The following NLGN1 variants were observed in gnomAD, a reference collection of about 807,000 sequenced individuals.
The protein encoded by NLGN1 is neuroligin-1.
NLGN1 carries 12 observed loss-of-function variants against 65.5 expected under a neutral mutation model. The observed-to-expected ratio is 0.18, with a 90% CI of 0.12 to 0.30. The LOEUF (loss-of-function observed/expected upper bound fraction) is 0.30, where lower values mean the gene tolerates loss of function less well. Among genes scored for constraint, NLGN1 ranks in the 10% least tolerant of loss-of-function variants. NLGN1 has a pLI of 1.00. For missense variants in NLGN1, 750 were observed against 1,007.1 expected, an observed-to-expected ratio of 0.74 and a Z score of 3.46; for synonymous variants, 350 against 359.5, an observed-to-expected ratio of 0.97 and a Z score of 0.30.
chr3:173,468,776 C>T (rs982879384), intron 2 of NLGN1, among the ~76,000 whole-genome samples: 1 of 151,864 alleles, frequency 6.6e-6, no homozygotes, highest in African/African-American at 2.4e-5. Flanking sequence ...AATAGCACAT[C>T]TATAGTAAGT....
At chr3:173,449,428 CAGTT>C (rs1553853161) in intron 2 of NLGN1, among the ~76,000 whole-genome samples, 2 of 152,020 alleles carry the variant, frequency 1.3e-5, no homozygotes, top group Non-Finnish European at 2.9e-5. Flanking sequence ...GTCTGAGAGA[CAGTT>C]TGTTATAATT....
intron 2 of NLGN1, among the ~76,000 whole-genome samples, chr3:173,478,545 A>C (rs910009856): frequency 6.6e-6 from 1 of 152,202 alleles, no homozygotes; most frequent in Admixed American, 6.5e-5. Flanking sequence ...TGTATGCTGC[A>C]ACTTAAAAAT....
At chr3:174,114,189 G>A (rs1715856977) in intron 4 of NLGN1, among the ~76,000 whole-genome samples, 1 of 152,062 alleles carries the variant, frequency 6.6e-6, no homozygotes. Context: ...TGCCATGCCT[G>A]CACAGGCTTT....
At chr3:174,011,756 T>G (rs1040280434) in intron 4 of NLGN1, among the ~76,000 whole-genome samples, 4 of 152,122 alleles carry the variant, frequency 2.6e-5, no homozygotes, top group Admixed American at 6.6e-5. Context: ...AATAAAACAT[T>G]TTATATTCAA....
intron 3 of NLGN1, among the ~76,000 whole-genome samples, chr3:173,623,469 G>A (rs1369071736): frequency 1.3e-5 from 2 of 152,050 alleles, no homozygotes; most frequent in East Asian, 1.9e-4. Flanking sequence ...AGTTAAGATA[G>A]CCTTGAATAA....
intron 4 of NLGN1, among the ~76,000 whole-genome samples, chr3:174,238,017 A>C (rs1446752646): frequency 6.6e-6 from 1 of 152,196 alleles, no homozygotes; most frequent in African/African-American, 2.4e-5. Context: ...TGACAGTAGG[A>C]TGTGCTAAAT....
chr3:173,515,283 C>CA (rs1452437818), intron 2 of NLGN1, among the ~76,000 whole-genome samples: 14 of 151,994 alleles, frequency 9.2e-5, no homozygotes, highest in African/African-American at 2.9e-4. Context: ...ACCCGTTAGT[C>CA]ATTTGTGTTT....
At chr3:174,089,887 T>C (rs558374012) in intron 4 of NLGN1, among the ~76,000 whole-genome samples, 2 of 137,794 alleles carry the variant, frequency 1.5e-5, no homozygotes, top group Non-Finnish European at 3.0e-5. Flanking sequence ...GGGGACTGCA[T>C]AAACAGGCTT....
In NLGN1 at chr3:173,474,463, A is replaced by G. The variant is rs375933519; in HGVS notation, c.-321+39385A>G. ...ATATGTGTGTGTGTGTATACAAACT[A>G]TATATTCTCATATGCAAATATGCAG... On this transcript the variant is annotated intron_variant, in intron 2 of 6. Coordinates refer to ENST00000457714, the Ensembl canonical transcript of NLGN1. 7.2e-5 allele frequency among the ~76,000 whole-genome samples: 11 copies of G among 152,298 alleles called. 1 individual carries two copies. The highest frequency in any genetic ancestry group is 2.6e-4 in the African/African-American group (11 of 41,576).
chr3:174,135,555 T>C (rs1035566927), intron 4 of NLGN1, among the ~76,000 whole-genome samples: 3 of 152,118 alleles, frequency 2.0e-5, no homozygotes, highest in Non-Finnish European at 4.4e-5. Context: ...TTTTAGTAAA[T>C]GGGTTTGAAG....
intron 1 of NLGN1, among the ~76,000 whole-genome samples, chr3:173,415,703 A>G (rs575328658): frequency 9.1e-4 from 138 of 152,290 alleles, no homozygotes; most frequent in Non-Finnish European, 1.7e-3. Flanking sequence ...AATATAGGAT[A>G]CCATTGAGTA....
chr3:174,264,941 T>TGTGTGAG (rs1436841955), intron 4 of NLGN1, among the ~76,000 whole-genome samples: 2 of 152,098 alleles, frequency 1.3e-5, no homozygotes, highest in Admixed American at 1.3e-4. Context: ...AATACCCTGC[T>TGTGTGAG]GTGTGAGGTG....
At chr3:173,890,904 A>G (rs1735214972) in intron 4 of NLGN1, among the ~76,000 whole-genome samples, 1 of 152,206 alleles carries the variant, frequency 6.6e-6, no homozygotes, top group Non-Finnish European at 1.5e-5. Context: ...TGAGAGTTCA[A>G]TTAAGTGATC....
intron 4 of NLGN1, among the ~76,000 whole-genome samples, chr3:174,267,930 G>A (rs113874765): frequency 4.6e-5 from 7 of 151,976 alleles, no homozygotes; most frequent in Admixed American, 1.3e-4. Context: ...ACATTACAAA[G>A]CACACACACA....
At chr3:174,260,314 G>A (rs1167047960) in intron 4 of NLGN1, among the ~76,000 whole-genome samples, 7 of 148,836 alleles carry the variant, frequency 4.7e-5, no homozygotes, top group African/African-American at 7.5e-5. Flanking sequence ...GTGTAAAAGT[G>A]TTCCTATTTC....
intron 1 of NLGN1, among the ~76,000 whole-genome samples, chr3:173,418,710 G>A (rs1294307255): frequency 2.0e-5 from 3 of 152,058 alleles, no homozygotes; most frequent in Admixed American, 6.6e-5. Context: ...ATAGATCTTT[G>A]TTACTGTTTC....
At chr3:173,976,009 A>C (rs1431601331) in intron 4 of NLGN1, among the ~76,000 whole-genome samples, 1 of 152,040 alleles carries the variant, frequency 6.6e-6, no homozygotes, top group Non-Finnish European at 1.5e-5. Context: ...TATCTACTAT[A>C]CAAAGTGGGC....
chr3:173,541,884 A>T (rs369081206), intron 2 of NLGN1, among the ~76,000 whole-genome samples: 4 of 152,098 alleles, frequency 2.6e-5, no homozygotes, highest in Non-Finnish European at 4.4e-5. Context: ...TACAAGGTGT[A>T]CGTAGATGTG....
intron 4 of NLGN1, among the ~76,000 whole-genome samples, chr3:174,227,451 A>C (rs766464735): frequency 6.6e-6 from 1 of 151,616 alleles, no homozygotes; most frequent in Non-Finnish European, 1.5e-5. Context: ...ATTCAAACAC[A>C]ATTCTCTTCA....
Sources: allele counts gnomAD v4.1 joint callset (sites outside exome capture counted in the v4.1 genomes callset), GRCh38; gene constraint gnomAD v4.1.1; transcripts MANE v1.5; gene names NCBI Gene and HGNC (gene_info 2026-07-23, HGNC 2026-07-21).